Variants in HDAC4 observed in about 807,000 individuals in gnomAD.
HDAC4 encodes the protein histone deacetylase 4.
In HDAC4, 16 loss-of-function variants were observed where a neutral mutation model predicts 135.1. The observed-to-expected ratio is 0.12, with a 90% CI of 0.08 to 0.18. HDAC4 has a LOEUF of 0.18. HDAC4 is among the 10% of genes least tolerant of loss of function. HDAC4 has a pLI of 1.00. For synonymous variants in HDAC4, 685 were observed against 653.4 expected (o/e 1.05, Z -0.74); for missense variants, 1,143 against 1,511.8 (o/e 0.76, Z 4.05).
At chr2:239,292,671 T>C (rs1280295311) in intron 2 of HDAC4, among the ~76,000 whole-genome samples, 1 of 152,106 alleles carries the variant, frequency 6.6e-6, no homozygotes. Flanking sequence ...TCCAGTGTCA[T>C]GAACTAGCAG....
intron 3 of HDAC4, among the ~76,000 whole-genome samples, chr2:239,235,639 C>T (rs2047844677): frequency 6.6e-6 from 1 of 152,218 alleles, no homozygotes; most frequent in Non-Finnish European, 1.5e-5. Flanking sequence ...GGTACCCTCA[C>T]AAGGAGTTTA....
At position 239,081,104 on chromosome 2, in the gene HDAC4, G is replaced by A. The variant is rs868676793; in HGVS notation, c.2741C>T (p.Ala914Val). The change falls in exon 22 of 27, where the codon GCG becomes GTG. Residue 914 changes from alanine (A) to valine (V), a missense_variant. Ala to Val is a moderately conservative substitution (Grantham distance 64). Coordinates refer to ENST00000543185, the MANE Select transcript of HDAC4 (RefSeq NM_001378414.1). ...AAGCCGGGAGGCTCACCTGAAGGCC[G>A]CCAAGTACTCAGCGTCTCCCATGGG... ...DPPMGDAEYL[A>V]AFRTVVMPIA... 10 of 1,613,234 alleles carry A rather than the reference G, an allele frequency of 6.2e-6. No homozygotes were observed. In the South Asian group the frequency reaches 7.7e-5, roughly 12 times the overall value.
At chr2:239,383,436 T>C (rs1035663915) in intron 1 of HDAC4, among the ~76,000 whole-genome samples, 10 of 152,120 alleles carry the variant, frequency 6.6e-5, no homozygotes, top group Admixed American at 2.0e-4. Context: ...TCTGATGACA[T>C]GTGGGCAGGC....
At chr2:239,063,111 G>C (rs2032999058) in intron 24 of HDAC4, among the ~76,000 whole-genome samples, 1 of 152,166 alleles carries the variant, frequency 6.6e-6, no homozygotes, top group Admixed American at 6.5e-5. Context: ...TGCTGTCCCG[G>C]GGTCACGCAC....
intron 2 of HDAC4, chr2:239,298,198 G>A: frequency 7.8e-7 from 1 of 1,288,946 alleles, no homozygotes; most frequent in Non-Finnish European, 1.0e-6. Flanking sequence ...TCAGGGAACA[G>A]CAGAGGCCCG....
rs745999402 is a variant in HDAC4 at position 239,190,037 on chromosome 2, C to T, written c.135G>A (p.Ser45=). 3.1e-5 allele frequency: 49 copies of T among 1,603,456 alleles called. 1 individual carries two copies. The highest frequency in any genetic ancestry group is 1.6e-4 in the African/African-American group (12 of 74,894). Residue 45 remains serine, a synonymous_variant, in exon 4 of 27, where the codon TCG becomes TCA. Coordinates refer to ENST00000543185, the MANE Select transcript of HDAC4 (RefSeq NM_001378414.1). ...ATALPLQVAP[S]AVPMDLRLDH... ...CCAGGCGCAGGTCCATGGGCACTGC[C>T]GAGGGGGCCACTTGCAGAGGCAGCG...
intron 2 of HDAC4, among the ~76,000 whole-genome samples, chr2:239,323,928 G>A (rs138989128): frequency 2.5e-4 from 38 of 152,242 alleles, no homozygotes; most frequent in African/African-American, 8.4e-4. Context: ...AAAAGAAACA[G>A]TGCAAATTTC....
intron 3 of HDAC4, among the ~76,000 whole-genome samples, chr2:239,228,705 C>T (rs79715721): frequency 6.6e-6 from 1 of 152,192 alleles, no homozygotes; most frequent in South Asian, 2.1e-4. Flanking sequence ...AAAAATAACA[C>T]CTTTTGAAAT....
At chr2:239,233,945 A>G (rs1239207193) in intron 3 of HDAC4, among the ~76,000 whole-genome samples, 2 of 152,266 alleles carry the variant, frequency 1.3e-5, no homozygotes, top group Non-Finnish European at 2.9e-5. Flanking sequence ...AATGTATAAC[A>G]GCAATTGAGG....
intron 2 of HDAC4, among the ~76,000 whole-genome samples, chr2:239,292,575 G>C (rs766120871): frequency 2.6e-5 from 4 of 152,190 alleles, no homozygotes; most frequent in Non-Finnish European, 2.9e-5. Flanking sequence ...CATCTAAAAT[G>C]CATCTCTTTA....
At chr2:239,249,891 T>C (rs1368202397) in intron 2 of HDAC4, among the ~76,000 whole-genome samples, 1 of 152,232 alleles carries the variant, frequency 6.6e-6, no homozygotes, top group Non-Finnish European at 1.5e-5. Context: ...TCGTTTAATG[T>C]GTCAGCTGGC....
chr2:239,162,956 G>C (rs113467391), intron 6 of HDAC4, among the ~76,000 whole-genome samples: 1 of 152,092 alleles, frequency 6.6e-6, no homozygotes, highest in African/African-American at 2.4e-5. Context: ...TCCCTTATGG[G>C]ATTTTTTTCT....
At chr2:239,252,286 C>T (rs934628589) in intron 2 of HDAC4, among the ~76,000 whole-genome samples, 1 of 152,204 alleles carries the variant, frequency 6.6e-6, no homozygotes, top group Non-Finnish European at 1.5e-5. Context: ...CAACAGCCAT[C>T]GAATGGGTGC....
At chr2:239,230,064 G>A (rs1238445890) in intron 3 of HDAC4, among the ~76,000 whole-genome samples, 5 of 152,210 alleles carry the variant, frequency 3.3e-5, no homozygotes, top group African/African-American at 7.2e-5. Context: ...GGGTGGAACC[G>A]GGAATCTTAC....
At chr2:239,120,309 G>A (rs1465590005) in intron 12 of HDAC4, among the ~76,000 whole-genome samples, 1 of 151,974 alleles carries the variant, frequency 6.6e-6, no homozygotes, top group Non-Finnish European at 1.5e-5. Flanking sequence ...CCAGTGGTAG[G>A]GTGTCGGGAA....
At position 239,156,728 on chromosome 2, in the gene HDAC4, G is replaced by T. The variant is rs758890066; in HGVS notation, c.657C>A (p.Ser219Arg). 2 of 1,614,106 alleles carry T rather than the reference G, an allele frequency of 1.2e-6. No homozygotes were observed. The highest frequency in any genetic ancestry group is 1.7e-6 in the Non-Finnish European group (2 of 1,179,988). The change falls in exon 7 of 27, where the codon AGC (serine) becomes AGA (arginine). Residue 219 changes from serine (S) to arginine (R), a missense_variant. Transcript: ENST00000543185. ...GGTGGTTATAGGAGGTCGACACTCCGCTCTGGGGTGGAGAACTCTGGTCAA... is the reference window on the plus strand; with the variant it reads ...GGTGGTTATAGGAGGTCGACACTCCTCTCTGGGGTGGAGAACTCTGGTCAA... Reference protein sequence around the residue: ...SSLDQSSPPQSGVSTSYNHPV... With the variant: ...SSLDQSSPPQRGVSTSYNHPV...
rs565437665 is a variant in HDAC4 at position 239,057,289 on chromosome 2, G to A, written c.3004-2456C>T. Among the ~76,000 whole-genome samples, 82 of 152,180 alleles carry A rather than the reference G, an allele frequency of 5.4e-4. 1 individual carries two copies. The South Asian group carries it at 0.015, about 28-fold the overall frequency. On this transcript the variant is annotated intron_variant, in intron 24 of 26. Transcript: ENST00000543185. ...TTAATTGATTAGATCCTTAAAGATCGCAGTTACTGAAATGATCAGTTATAA... is the reference window on the plus strand; with the variant it reads ...TTAATTGATTAGATCCTTAAAGATCACAGTTACTGAAATGATCAGTTATAA...
chr2:239,135,084 C>T (rs916871008), intron 9 of HDAC4, among the ~76,000 whole-genome samples: 6 of 152,202 alleles, frequency 3.9e-5, no homozygotes, highest in African/African-American at 1.4e-4. Flanking sequence ...TTTAACTGTA[C>T]ATTTAAAAAT....
rs373189151 is a variant in HDAC4 at position 239,081,819 on chromosome 2, C to T, written c.2652+283G>A. ...GGCCTGGGCCCTGCCCGGAGGAAAA[C>T]GGGCACCACACACCTCCTCCTTCAC... On this transcript the variant is annotated intron_variant, in intron 21 of 26. Transcript: ENST00000543185. 2.1e-4 allele frequency among the ~76,000 whole-genome samples: 32 copies of T among 152,326 alleles called. No individual in the cohort carries two copies. The East Asian group carries it at 4.6e-3, about 22-fold the overall frequency.
Sources: gnomAD v4.1 joint callset for allele counts (sites outside exome capture counted in the v4.1 genomes callset) on GRCh38, gnomAD v4.1.1 for gene constraint, MANE v1.5 for transcripts, NCBI Gene and HGNC (gene_info 2026-07-23, HGNC 2026-07-21) for gene names.